The following L3MBTL4 variants were observed in gnomAD, a reference collection of about 807,000 sequenced individuals.
L3MBTL4 encodes the protein L3MBTL histone methyl-lysine binding protein 4.
A neutral mutation model predicts 84.5 loss-of-function variants in L3MBTL4; 70 were observed. The observed-to-expected ratio is 0.83, with a 90% CI of 0.68 to 1.01. The LOEUF is 1.01. L3MBTL4 is among the 50% of genes least tolerant of loss of function. The probability of loss-of-function intolerance (pLI) is 0.00; values close to 1 mark genes in which losing one functional copy is unlikely to be tolerated. For missense variants in L3MBTL4, 715 were observed against 754.8 expected, an observed-to-expected ratio of 0.95 and a Z score of 0.62; for synonymous variants, 274 against 259.8, an observed-to-expected ratio of 1.05 and a Z score of -0.52.
At chr18:6,048,136 T>C (rs564012698) in intron 16 of L3MBTL4, among the ~76,000 whole-genome samples, 2 of 152,184 alleles carry the variant, frequency 1.3e-5, no homozygotes, top group African/African-American at 2.4e-5. Flanking sequence ...AGCCAAATCA[T>C]TTCAAATAGC....
chr18:6,176,939 C>T (rs929821991), intron 12 of L3MBTL4, among the ~76,000 whole-genome samples: 19 of 152,094 alleles, frequency 1.2e-4, no homozygotes, highest in African/African-American at 4.1e-4. Flanking sequence ...GAATTACTAC[C>T]GCATACCCAC....
intron 12 of L3MBTL4, among the ~76,000 whole-genome samples, chr18:6,206,027 T>A (rs1451335852): frequency 2.6e-5 from 4 of 152,200 alleles, no homozygotes; most frequent in African/African-American, 9.7e-5. Context: ...TGACTGAAGG[T>A]CTGGGAAATG....
chr18:6,180,413 C>T (rs533116942), intron 12 of L3MBTL4, among the ~76,000 whole-genome samples: 11 of 152,142 alleles, frequency 7.2e-5, no homozygotes, highest in African/African-American at 2.4e-4. Context: ...GTTTTGGAAC[C>T]GGCTGCCCCT....
At chr18:6,239,202 G>A (rs534446118) in intron 9 of L3MBTL4, among the ~76,000 whole-genome samples, 9 of 151,332 alleles carry the variant, frequency 5.9e-5, no homozygotes, top group Admixed American at 2.6e-4. Flanking sequence ...TTAGCCGGGC[G>A]TAGTGGCGGG....
chr18:6,139,254 A>C (rs2060121704), intron 13 of L3MBTL4, among the ~76,000 whole-genome samples: 1 of 152,112 alleles, frequency 6.6e-6, no homozygotes, highest in Non-Finnish European at 1.5e-5. Context: ...TATATACTAC[A>C]CTGTACTATA....
chr18:6,035,363 A>G (rs997168111), intron 16 of L3MBTL4, among the ~76,000 whole-genome samples: 12 of 152,124 alleles, frequency 7.9e-5, no homozygotes, highest in Admixed American at 6.5e-4. Flanking sequence ...AGCTTTGTAC[A>G]TATGGCTAGC....
chr18:6,332,493 C>T (rs933896288), intron 1 of L3MBTL4, among the ~76,000 whole-genome samples: 24 of 152,280 alleles, frequency 1.6e-4, no homozygotes, highest in African/African-American at 5.8e-4. Flanking sequence ...AAAATTTACC[C>T]TCCTGGCCAC....
intron 16 of L3MBTL4, among the ~76,000 whole-genome samples, chr18:6,079,153 T>C (rs764975871): frequency 6.6e-6 from 1 of 152,128 alleles, no homozygotes; most frequent in Non-Finnish European, 1.5e-5. Flanking sequence ...GTCTGTAGCC[T>C]AGGTGTTGGG....
chr18:6,019,646 G>T (rs963497208), intron 16 of L3MBTL4, among the ~76,000 whole-genome samples: 3 of 152,188 alleles, frequency 2.0e-5, no homozygotes, highest in Non-Finnish European at 4.4e-5. Context: ...GTTTTGTAAA[G>T]TGAGGTATTA....
intron 12 of L3MBTL4, among the ~76,000 whole-genome samples, chr18:6,187,058 T>C (rs2044808566): frequency 6.6e-6 from 1 of 152,236 alleles, no homozygotes; most frequent in African/African-American, 2.4e-5. Context: ...TCAACAATTC[T>C]ATGCTTTCTG....
chr18:6,082,188 A>T (rs1210818970), intron 15 of L3MBTL4, among the ~76,000 whole-genome samples: 1 of 152,200 alleles, frequency 6.6e-6, no homozygotes, highest in East Asian at 1.9e-4. Context: ...TAGTATGTTA[A>T]AAACCAGTGT....
At chr18:6,003,092 AGT>A in intron 16 of L3MBTL4, among the ~76,000 whole-genome samples, 1 of 103,948 alleles carries the variant, frequency 9.6e-6, no homozygotes, top group African/African-American at 3.8e-5. Context: ...TATAAAATAT[AGT>A]ATCTCTATTT....
intron 1 of L3MBTL4, among the ~76,000 whole-genome samples, chr18:6,384,065 T>G (rs1373290887): frequency 6.6e-6 from 1 of 152,176 alleles, no homozygotes; most frequent in Non-Finnish European, 1.5e-5. Flanking sequence ...AACAGCTTCC[T>G]TTGTAATGGT....
intron 10 of L3MBTL4, among the ~76,000 whole-genome samples, chr18:6,228,238 C>T (rs925157704): frequency 3.9e-5 from 6 of 152,082 alleles, no homozygotes; most frequent in African/African-American, 1.4e-4. Flanking sequence ...AAAATCAAAC[C>T]TTGGCCCCTA....
intron 1 of L3MBTL4, among the ~76,000 whole-genome samples, chr18:6,388,850 C>T (rs1325722133): frequency 6.6e-6 from 1 of 152,102 alleles, no homozygotes; most frequent in Non-Finnish European, 1.5e-5. Context: ...ACACATGCAA[C>T]AGAGCAGTGA....
At chr18:6,051,545 A>AC (rs71163256) in intron 16 of L3MBTL4, among the ~76,000 whole-genome samples, 2 of 152,098 alleles carry the variant, frequency 1.3e-5, no homozygotes, top group African/African-American at 4.8e-5. Context: ...TCTCAAAAAA[A>AC]AAAAAAGGAA....
intron 1 of L3MBTL4, among the ~76,000 whole-genome samples, chr18:6,328,822 C>G (rs1599658379): frequency 6.6e-6 from 1 of 152,180 alleles, no homozygotes; most frequent in African/African-American, 2.4e-5. Flanking sequence ...TCCAGCTTAG[C>G]TGGCAGGGAG....
chr18:5,995,181 G>A (rs2053895378), intron 16 of L3MBTL4, among the ~76,000 whole-genome samples: 1 of 152,262 alleles, frequency 6.6e-6, no homozygotes, highest in South Asian at 2.1e-4. Flanking sequence ...TTCCACAGCG[G>A]CGACCACGCC....
intron 13 of L3MBTL4, among the ~76,000 whole-genome samples, chr18:6,149,322 G>A (rs2042789087): frequency 1.3e-5 from 2 of 151,544 alleles, no homozygotes; most frequent in Admixed American, 1.3e-4. Context: ...CCTTGCGATA[G>A]TTTGCTGAGA....
Sources: gnomAD v4.1 joint callset for allele counts (sites outside exome capture counted in the v4.1 genomes callset) on GRCh38, gnomAD v4.1.1 for gene constraint, MANE v1.5 for transcripts, NCBI Gene and HGNC (gene_info 2026-07-23, HGNC 2026-07-21) for gene names.